LARP4B: variants seen among roughly 807,000 people sequenced by gnomAD.
LARP4B encodes La ribonucleoprotein 4B.
A neutral mutation model predicts 89.8 loss-of-function variants in LARP4B; 12 were observed. The ratio of observed to expected loss-of-function variants is 0.13; its 90% CI spans 0.09 to 0.22. The LOEUF is 0.22. LARP4B is among the 10% of genes least tolerant of loss of function. The pLI is 1.00. For missense variants in LARP4B, 757 were observed against 947.7 expected (o/e 0.80, Z 2.64); for synonymous variants, 367 against 363.3 (o/e 1.01, Z -0.12).
chr10:843,467 G>A (rs560469917), intron 6 of LARP4B, among the ~76,000 whole-genome samples: 16 of 152,200 alleles, frequency 1.1e-4, no homozygotes, highest in Non-Finnish European at 8.8e-5. Flanking sequence ...GGGGGGCCAA[G>A]GTAGGCAGAT....
At chr10:832,136 C>T (rs1024517372) in intron 8 of LARP4B, among the ~76,000 whole-genome samples, 17 of 152,196 alleles carry the variant, frequency 1.1e-4, no homozygotes, top group African/African-American at 2.9e-4. Context: ...CTCTGCCTCC[C>T]GGGTTCACGC....
the LARP4B span, among the ~76,000 whole-genome samples, chr10:962,667 A>C: frequency 6.6e-6 from 1 of 152,208 alleles, no homozygotes; most frequent in East Asian, 1.9e-4. Context: ...GACTCAGTTA[A>C]TCAAAAGAAA....
At chr10:882,373 T>C (rs1308117473) in intron 3 of LARP4B, among the ~76,000 whole-genome samples, 1 of 151,970 alleles carries the variant, frequency 6.6e-6, no homozygotes, top group Non-Finnish European at 1.5e-5. Flanking sequence ...ATTGTTCTCA[T>C]ACTAAATAGG....
chr10:952,280 CAGTGAGCTG>C, the LARP4B span, among the ~76,000 whole-genome samples: 1 of 131,546 alleles, frequency 7.6e-6, no homozygotes, highest in East Asian at 2.2e-4. Flanking sequence ...GTGGAGCTTG[CAGTGAGCTG>C]AGATCAAGAT....
intron 1 of LARP4B, among the ~76,000 whole-genome samples, chr10:912,319 C>T (rs1286925127): frequency 1.3e-5 from 2 of 150,238 alleles, no homozygotes; most frequent in East Asian, 1.9e-4. Context: ...AAAAAAAAAT[C>T]GCAAAAAAAA....
chr10:896,793 C>T (rs1836201939), intron 1 of LARP4B, among the ~76,000 whole-genome samples: 1 of 152,100 alleles, frequency 6.6e-6, no homozygotes, highest in African/African-American at 2.4e-5. Context: ...AACCACTCCA[C>T]TAATACAAAC....
At chr10:940,163 A>G in the LARP4B span, among the ~76,000 whole-genome samples, 1 of 151,984 alleles carries the variant, frequency 6.6e-6, no homozygotes, top group Non-Finnish European at 1.5e-5. Flanking sequence ...GATTACAGGC[A>G]TGCACCACCA....
intron 3 of LARP4B, among the ~76,000 whole-genome samples, chr10:865,387 C>T (rs1285536169): frequency 6.6e-6 from 1 of 152,208 alleles, no homozygotes; most frequent in African/African-American, 2.4e-5. Context: ...GGGCAGTCCT[C>T]TACTCAAAAC....
intron 1 of LARP4B, among the ~76,000 whole-genome samples, chr10:916,316 T>C (rs890832578): frequency 2.0e-5 from 3 of 152,224 alleles, no homozygotes; most frequent in African/African-American, 7.2e-5. Flanking sequence ...ACTTTGACTC[T>C]TCTCAAAAAG....
At chr10:904,965 A>T (rs1836448936) in intron 1 of LARP4B, among the ~76,000 whole-genome samples, 1 of 152,236 alleles carries the variant, frequency 6.6e-6, no homozygotes, top group Non-Finnish European at 1.5e-5. Context: ...TACAGACCTC[A>T]TTTCACGCTA....
intron 3 of LARP4B, among the ~76,000 whole-genome samples, chr10:879,317 G>C (rs540366347): frequency 6.6e-6 from 1 of 152,202 alleles, no homozygotes; most frequent in South Asian, 2.1e-4. Flanking sequence ...CCCCCATCCT[G>C]GGGCAAGTTC....
At chr10:945,866 T>C in the LARP4B span, among the ~76,000 whole-genome samples, 2 of 152,156 alleles carry the variant, frequency 1.3e-5, no homozygotes, top group Admixed American at 1.3e-4. Flanking sequence ...GTTGTGTCCT[T>C]ATAAGAAGAG....
At chr10:917,419 A>G (rs1289797200) in intron 1 of LARP4B, among the ~76,000 whole-genome samples, 1 of 152,220 alleles carries the variant, frequency 6.6e-6, no homozygotes, top group African/African-American at 2.4e-5. Flanking sequence ...AAACCGGTTT[A>G]TTGTAACAGG....
intron 5 of LARP4B, among the ~76,000 whole-genome samples, chr10:851,025 C>A (rs1834018852): frequency 6.6e-6 from 1 of 152,018 alleles, no homozygotes; most frequent in Non-Finnish European, 1.5e-5. Context: ...AGAAAGGCCT[C>A]ATATTAATGA....
At chr10:868,123 G>C (rs1835010141) in intron 3 of LARP4B, among the ~76,000 whole-genome samples, 1 of 151,898 alleles carries the variant, frequency 6.6e-6, no homozygotes, top group African/African-American at 2.4e-5. Flanking sequence ...ACCGATACGA[G>C]ACAGAACAGT....
At chr10:929,687 G>C (rs772426040) in intron 1 of LARP4B, among the ~76,000 whole-genome samples, 4 of 152,116 alleles carry the variant, frequency 2.6e-5, no homozygotes, top group Non-Finnish European at 5.9e-5. Flanking sequence ...AAGAAAATGA[G>C]ATTATCATCA....
At chr10:853,538 G>A (rs2131791052) in intron 5 of LARP4B, among the ~76,000 whole-genome samples, 1 of 152,256 alleles carries the variant, frequency 6.6e-6, no homozygotes, top group South Asian at 2.1e-4. Context: ...ACAAAAATTA[G>A]CTGGGCATGG....
chr10:867,262 A>AG (rs1820196170), intron 3 of LARP4B, among the ~76,000 whole-genome samples: 2 of 152,212 alleles, frequency 1.3e-5, no homozygotes, highest in South Asian at 4.1e-4. Context: ...CGTGCTGAGC[A>AG]CATTCTACGC....
At chr10:870,082 T>C in intron 3 of LARP4B, 1 of 984,492 alleles carries the variant, frequency 1.0e-6, no homozygotes, top group Non-Finnish European at 1.2e-6. Flanking sequence ...GAGGAGTGTT[T>C]TCTGAAAACA....
Sources: gnomAD v4.1 joint callset for allele counts (sites outside exome capture counted in the v4.1 genomes callset) on GRCh38, gnomAD v4.1.1 for gene constraint, MANE v1.5 for transcripts, NCBI Gene and HGNC (gene_info 2026-07-23, HGNC 2026-07-21) for gene names.